Variants in BMP7 observed in about 807,000 individuals in gnomAD.
BMP7 encodes bone morphogenetic protein 7, also known as osteogenic protein 1.
Under a neutral mutation model 41.2 loss-of-function variants are expected in BMP7, and 12 were observed. The observed-to-expected ratio is 0.29, with a 90% CI of 0.19 to 0.47. The LOEUF (loss-of-function observed/expected upper bound fraction) is 0.47. Among genes scored for constraint, BMP7 ranks in the 20% least tolerant of loss-of-function variants. The pLI, the probability that BMP7 is intolerant of heterozygous loss-of-function variation, is 0.99. For synonymous variants in BMP7, 248 were observed against 250.0 expected, an observed-to-expected ratio of 0.99 and a Z score of 0.07; for missense variants, 467 against 606.0, an observed-to-expected ratio of 0.77 and a Z score of 2.41.
At chr20:57,245,431 T>C (rs2066086347) in intron 1 of BMP7, among the ~76,000 whole-genome samples, 1 of 152,024 alleles carries the variant, frequency 6.6e-6, no homozygotes, top group East Asian at 1.9e-4. Flanking sequence ...ACTGAAGCCT[T>C]GGACTCCTGA....
intron 1 of BMP7, among the ~76,000 whole-genome samples, chr20:57,251,274 C>CAGG (rs1281354727): frequency 1.3e-5 from 2 of 152,322 alleles, no homozygotes; most frequent in East Asian, 3.9e-4. Context: ...ACAGGAGACC[C>CAGG]AGGGTTTAAC....
intron 1 of BMP7, among the ~76,000 whole-genome samples, chr20:57,244,511 A>G (rs985498540): frequency 6.6e-5 from 10 of 152,224 alleles, no homozygotes; most frequent in African/African-American, 2.4e-4. Flanking sequence ...ACTGGGGTTG[A>G]GCGTGGGCCA....
At chr20:57,184,490 G>A (rs902043162) in intron 3 of BMP7, among the ~76,000 whole-genome samples, 70 of 152,136 alleles carry the variant, frequency 4.6e-4, no homozygotes, top group Non-Finnish European at 3.2e-4. Flanking sequence ...TCAAGGGGCA[G>A]GGGCAAGTAG....
At chr20:57,187,208 AC>A (rs373583103) in intron 3 of BMP7, 13 of 152,144 alleles carry the variant, frequency 8.5e-5, no homozygotes, top group African/African-American at 2.7e-4. Flanking sequence ...GGGTGTTTAA[AC>A]CCGCATCTGC....
intron 3 of BMP7, among the ~76,000 whole-genome samples, chr20:57,185,738 A>T (rs1272843434): frequency 6.6e-6 from 1 of 152,206 alleles, no homozygotes; most frequent in Non-Finnish European, 1.5e-5. Flanking sequence ...CTGTCACTTA[A>T]TGCACAGCTG....
chr20:57,239,679 C>G (rs2066061796), intron 1 of BMP7, among the ~76,000 whole-genome samples: 2 of 152,248 alleles, frequency 1.3e-5, no homozygotes, highest in Non-Finnish European at 1.5e-5. Flanking sequence ...CCTGGGCATC[C>G]AGGCATTTCC....
chr20:57,193,555 T>G (rs1435406977), intron 3 of BMP7, among the ~76,000 whole-genome samples: 3 of 152,236 alleles, frequency 2.0e-5, no homozygotes, highest in African/African-American at 4.8e-5. Flanking sequence ...AATGGACTCC[T>G]GCACTCTTTT....
chr20:57,260,398 C>A (rs1427762982), intron 1 of BMP7, among the ~76,000 whole-genome samples: 1 of 152,170 alleles, frequency 6.6e-6, no homozygotes, highest in Non-Finnish European at 1.5e-5. Context: ...GTCTCCTCCC[C>A]GCTCCTGGTG....
chr20:57,188,933 C>T (rs897666123), intron 3 of BMP7, among the ~76,000 whole-genome samples: 1 of 152,236 alleles, frequency 6.6e-6, no homozygotes, highest in African/African-American at 2.4e-5. Flanking sequence ...AGCCTGCATT[C>T]TCTGCCACGA....
intron 1 of BMP7, among the ~76,000 whole-genome samples, chr20:57,253,803 G>C (rs1278855047): frequency 1.3e-5 from 2 of 152,130 alleles, no homozygotes; most frequent in African/African-American, 4.8e-5. Context: ...AGCTAGTACA[G>C]AGAATACTTG....
chr20:57,172,341 A>G (rs1036703528), intron 6 of BMP7, among the ~76,000 whole-genome samples: 1 of 152,234 alleles, frequency 6.6e-6, no homozygotes, highest in African/African-American at 2.4e-5. Flanking sequence ...TAAAAAAACA[A>G]ACAAAGAAAC....
chr20:57,241,212 T>C (rs772075091), intron 1 of BMP7, among the ~76,000 whole-genome samples: 7 of 152,178 alleles, frequency 4.6e-5, no homozygotes, highest in Non-Finnish European at 1.0e-4. Context: ...AGTGACCTCT[T>C]AGCTGTGGCA....
At chr20:57,212,374 G>C (rs567952567) in intron 2 of BMP7, among the ~76,000 whole-genome samples, 2 of 152,240 alleles carry the variant, frequency 1.3e-5, no homozygotes, top group East Asian at 3.8e-4. Flanking sequence ...CTCTGGCCGC[G>C]GGAGGTCAGG....
Position 57,197,866 on chromosome 20 carries a change from T to G in BMP7, c.760+4609A>C, listed in dbSNP as rs564474272. 3.3e-5 allele frequency among the ~76,000 whole-genome samples: 5 copies of G among 152,282 alleles called. No individual in the cohort carries two copies. The East Asian group carries it at 7.7e-4, about 24-fold the overall frequency. ...CCACACAAAGGTGACTGAGGAGCTG[T>G]GCTATGACAGGGGCAGGGGTGCCAG... On this transcript the variant is annotated intron_variant, in intron 3 of 6. Transcript: ENST00000395863.
chr20:57,225,565 G>T (rs2066002525), intron 2 of BMP7, among the ~76,000 whole-genome samples: 1 of 151,602 alleles, frequency 6.6e-6, no homozygotes, highest in Non-Finnish European at 1.5e-5. Context: ...TCTGAGAGAT[G>T]ACTCTTTCCC....
At chr20:57,178,782 C>T (rs1405139835) in intron 4 of BMP7, among the ~76,000 whole-genome samples, 1 of 152,086 alleles carries the variant, frequency 6.6e-6, no homozygotes, top group Non-Finnish European at 1.5e-5. Flanking sequence ...TAGCTCGAGC[C>T]AGGGACATTG....
intron 2 of BMP7, among the ~76,000 whole-genome samples, chr20:57,219,468 A>G (rs1197125105): frequency 6.6e-6 from 1 of 152,046 alleles, no homozygotes; most frequent in Non-Finnish European, 1.5e-5. Flanking sequence ...GGACCCTGAC[A>G]ATATCTGGTG....
intron 3 of BMP7, 125 bp from the exon 4 acceptor site, chr20:57,184,044 A>G (rs1391296986): frequency 2.6e-6 from 3 of 1,136,504 alleles, no homozygotes; most frequent in African/African-American, 3.1e-5. Context: ...TCCAGTAAGT[A>G]TTTATTGAGT....
chr20:57,230,843 A>C (rs2066026696), intron 1 of BMP7, among the ~76,000 whole-genome samples: 1 of 151,482 alleles, frequency 6.6e-6, no homozygotes, highest in African/African-American at 2.4e-5. Flanking sequence ...TGCTCGGCTA[A>C]TTTTTTGTAT....
Sources: gnomAD v4.1 joint callset for allele counts (sites outside exome capture counted in the v4.1 genomes callset) on GRCh38, gnomAD v4.1.1 for gene constraint, MANE v1.5 for transcripts, NCBI Gene and HGNC (gene_info 2026-07-23, HGNC 2026-07-21) for gene names.